The following AK9 variants were observed in gnomAD, a reference collection of about 807,000 sequenced individuals.
The protein encoded by AK9 is adenylate kinase domain containing 1.
A neutral mutation model predicts 239.6 loss-of-function variants in AK9; 191 were observed. The ratio of observed to expected loss-of-function variants is 0.80; its 90% CI spans 0.71 to 0.90. The LOEUF is 0.90. Among genes scored for constraint, AK9 ranks in the 40% least tolerant of loss-of-function variants. AK9 has a pLI of 0.00. For missense variants in AK9, 1,995 were observed against 2,214.7 expected (o/e 0.90, Z 1.99); for synonymous variants, 689 against 721.0 (o/e 0.96, Z 0.71).
chr6:109,674,261 C>G lies in AK9; in HGVS notation c.118G>C (p.Gly40Arg). The G allele has an allele frequency of 6.4e-7, 1 of 1,555,540 alleles. No individual in the cohort carries two copies. The highest frequency in any genetic ancestry group is 1.4e-5 in the African/African-American group (1 of 72,936). Residue 40 changes from glycine (G) to arginine (R), a missense_variant and splice_region_variant, in exon 3 of 41, where the codon GGT becomes CGT. Physicochemically the swap from Gly to Arg is moderately radical, Grantham distance 125. Coordinates refer to ENST00000424296, the MANE Select transcript of AK9 (RefSeq NM_001145128.3). ...CGGGCTAATGTTGTTTTCCCAACAC[C>G]CTTAAAAAGAAAAATGTTATTTAAA... ...PVCFVVFGKP[G>R]VGKTTLARYI...
chr6:109,600,148 C>G (rs1200524954), intron 17 of AK9, among the ~76,000 whole-genome samples: 1 of 152,134 alleles, frequency 6.6e-6, no homozygotes, highest in African/African-American at 2.4e-5. Context: ...GCATCCCTGT[C>G]TTGTGCCAGT....
chr6:109,591,194 G>A (rs539327478), intron 17 of AK9, among the ~76,000 whole-genome samples: 3 of 151,956 alleles, frequency 2.0e-5, no homozygotes, highest in Non-Finnish European at 4.4e-5. Context: ...ATGAATCTTG[G>A]TGCTGTGGTA....
intron 1 of AK9, among the ~76,000 whole-genome samples, chr6:109,677,701 A>G (rs1771969564): frequency 6.6e-6 from 1 of 152,228 alleles, no homozygotes; most frequent in Non-Finnish European, 1.5e-5. Flanking sequence ...AATTCTTTTC[A>G]CTGAGTTTAA....
chr6:109,599,094 C>T (rs1389211288), intron 17 of AK9, among the ~76,000 whole-genome samples: 3 of 152,178 alleles, frequency 2.0e-5, no homozygotes, highest in Admixed American at 6.5e-5. Context: ...TTCCATTAGT[C>T]AATTTTGGCT....
intron 1 of AK9, among the ~76,000 whole-genome samples, chr6:109,681,391 G>C (rs1772610916): frequency 6.6e-6 from 1 of 152,126 alleles, no homozygotes; most frequent in African/African-American, 2.4e-5. Context: ...AGCAAGAAGA[G>C]CTAACTATAC....
chr6:109,675,083 T>A (rs1771512016), intron 2 of AK9, among the ~76,000 whole-genome samples: 1 of 152,154 alleles, frequency 6.6e-6, no homozygotes, highest in Non-Finnish European at 1.5e-5. Flanking sequence ...ATGGTGCCTC[T>A]CAGGATCTCA....
chr6:109,629,258 T>C (rs1202077481), intron 12 of AK9, among the ~76,000 whole-genome samples: 3 of 152,150 alleles, frequency 2.0e-5, no homozygotes, highest in Non-Finnish European at 4.4e-5. Flanking sequence ...TTCATTATTT[T>C]AAATGGGAAA....
intron 10 of AK9, 140 bp from the exon 11 acceptor site, chr6:109,633,463 A>G (rs1448193229): frequency 2.3e-6 from 2 of 869,888 alleles, no homozygotes; most frequent in East Asian, 5.6e-5. Context: ...TTTTTTCTTA[A>G]TTGCAACATC....
chr6:109,567,240 A>C (rs1248856786), intron 21 of AK9, among the ~76,000 whole-genome samples: 2 of 152,198 alleles, frequency 1.3e-5, no homozygotes, highest in Non-Finnish European at 2.9e-5. Flanking sequence ...AAAAATGATA[A>C]AGGGGATATC....
chr6:109,548,377 T>G (rs577354471), intron 25 of AK9, among the ~76,000 whole-genome samples: 3 of 152,092 alleles, frequency 2.0e-5, no homozygotes, highest in Non-Finnish European at 4.4e-5. Flanking sequence ...AAAATTGAAG[T>G]AGGAATAAAC....
At chr6:109,649,552 G>C (rs887014232) in intron 8 of AK9, among the ~76,000 whole-genome samples, 34 of 152,194 alleles carry the variant, frequency 2.2e-4, no homozygotes, top group African/African-American at 7.9e-4. Flanking sequence ...TCTTCAAGGA[G>C]AACTACAAAC....
At chr6:109,646,381 A>G (rs1268463270) in intron 8 of AK9, among the ~76,000 whole-genome samples, 3 of 152,206 alleles carry the variant, frequency 2.0e-5, no homozygotes, top group Admixed American at 1.3e-4. Flanking sequence ...TAGAATAAAC[A>G]GGGTAGACAA....
At chr6:109,640,583 T>G (rs1797288504) in intron 10 of AK9, among the ~76,000 whole-genome samples, 1 of 152,034 alleles carries the variant, frequency 6.6e-6, no homozygotes, top group Admixed American at 6.6e-5. Flanking sequence ...CCCAATTTTT[T>G]TTTTTTTTTA....
chr6:109,548,100 T>A (rs945086395), intron 25 of AK9, among the ~76,000 whole-genome samples: 1 of 152,186 alleles, frequency 6.6e-6, no homozygotes, highest in African/African-American at 2.4e-5. Flanking sequence ...GGAACACTTG[T>A]ACACTGTTGT....
intron 9 of AK9, 97 bp from the exon 10 acceptor site, chr6:109,641,713 CTGA>C: frequency 9.9e-7 from 1 of 1,011,938 alleles, no homozygotes; most frequent in Non-Finnish European, 1.5e-6. Context: ...CATGCTCCCC[CTGA>C]CTCTGGGTCG....
At chr6:109,505,305 C>A (rs7766769) in intron 35 of AK9, among the ~76,000 whole-genome samples, 26 of 152,146 alleles carry the variant, frequency 1.7e-4, no homozygotes, top group African/African-American at 6.3e-4. Flanking sequence ...TGAAGTTAAA[C>A]ACAATCATTA....
At chr6:109,541,926 C>T in intron 27 of AK9, 121 bp downstream of exon 27, 2 of 887,978 alleles carry the variant, frequency 2.3e-6, no homozygotes, top group South Asian at 4.5e-5. Flanking sequence ...AGTGAAAAAT[C>T]ACCAGCTTAC....
chr6:109,517,714 C>T (rs901021101), intron 29 of AK9, among the ~76,000 whole-genome samples: 1 of 152,036 alleles, frequency 6.6e-6, no homozygotes, highest in Non-Finnish European at 1.5e-5. Context: ...GATGCCTTTT[C>T]GGAGGCTATA....
intron 39 of AK9, among the ~76,000 whole-genome samples, chr6:109,494,971 G>A (rs2115387365): frequency 6.6e-6 from 1 of 152,278 alleles, no homozygotes; most frequent in Non-Finnish European, 1.5e-5. Flanking sequence ...TAACTCTTTT[G>A]GGTAGTCAGT....
Sources: gnomAD v4.1 joint callset for allele counts (sites outside exome capture counted in the v4.1 genomes callset) on GRCh38, gnomAD v4.1.1 for gene constraint, MANE v1.5 for transcripts, NCBI Gene and HGNC (gene_info 2026-07-23, HGNC 2026-07-21) for gene names.